The following AOPEP variants were observed in gnomAD, a reference collection of about 807,000 sequenced individuals.
AOPEP encodes aminopeptidase O (putative).
In AOPEP, 77 loss-of-function variants were observed where a neutral mutation model predicts 98.1. That is an observed-to-expected ratio of 0.78 (90% confidence interval 0.65 to 0.95). AOPEP has a LOEUF of 0.95. Ranked by LOEUF, AOPEP falls within the 40% of genes least tolerant of loss-of-function variation. The probability of loss-of-function intolerance (pLI) is 0.00; values close to 1 mark genes in which losing one functional copy is unlikely to be tolerated. For missense variants in AOPEP, 1,024 were observed against 1,024.7 expected, an observed-to-expected ratio of 1.00 and a Z score of 0.01; for synonymous variants, 346 against 365.3, an observed-to-expected ratio of 0.95 and a Z score of 0.60.
intron 7 of AOPEP, chr9:94,932,133 A>G: frequency 9.9e-7 from 1 of 1,009,996 alleles, no homozygotes; most frequent in Non-Finnish European, 1.2e-6. Context: ...TAGTTGCATT[A>G]AAACAAATAA....
At chr9:94,851,258 G>A (rs2043512828) in intron 5 of AOPEP, among the ~76,000 whole-genome samples, 1 of 152,178 alleles carries the variant, frequency 6.6e-6, no homozygotes, top group Non-Finnish European at 1.5e-5. Context: ...GGTATGCTGA[G>A]ATCTAGCTGC....
chr9:94,859,218 T>TA (rs1449447223), intron 5 of AOPEP, among the ~76,000 whole-genome samples: 1 of 152,170 alleles, frequency 6.6e-6, no homozygotes, highest in Admixed American at 6.5e-5. Context: ...GGGTCTTCAA[T>TA]AAGAACCTGA....
chr9:95,122,839 A>G, the AOPEP span, among the ~76,000 whole-genome samples: 1 of 152,200 alleles, frequency 6.6e-6, no homozygotes, highest in African/African-American at 2.4e-5. Flanking sequence ...AGAATGCACA[A>G]GGGAGGCTCA....
chr9:95,149,817 A>G, the AOPEP span: 1 of 1,291,444 alleles, frequency 7.7e-7, no homozygotes, highest in African/African-American at 1.5e-5. Context: ...AAGGGTACTG[A>G]GACAAAAACG....
At chr9:95,114,372 C>A in the AOPEP span, 6 of 517,738 alleles carry the variant, frequency 1.2e-5, no homozygotes, top group Non-Finnish European at 2.1e-5. Flanking sequence ...AATCTAAAAC[C>A]AGACGTTAAT....
chr9:94,731,714 A>G (rs969396641), intron 1 of AOPEP, among the ~76,000 whole-genome samples: 2 of 151,376 alleles, frequency 1.3e-5, no homozygotes, highest in Admixed American at 6.6e-5. Flanking sequence ...AGAAATGTCA[A>G]CATATCTTTA....
intron 4 of AOPEP, among the ~76,000 whole-genome samples, chr9:94,797,863 C>T (rs1167156846): frequency 6.6e-6 from 1 of 151,946 alleles, no homozygotes; most frequent in Non-Finnish European, 1.5e-5. Context: ...CCACCACACT[C>T]GGCTAATTTT....
chr9:95,051,094 T>G lies in AOPEP; in HGVS notation c.2116-9600T>G, dbSNP rs571130702. ...TAAAATGTTTTTGTGGCTTACTTTT[T>G]TTTTTTTTTTTTTGAGACGGAGTCT... On this transcript the variant is annotated intron_variant, in intron 13 of 16. Coordinates refer to ENST00000375315, the MANE Select transcript of AOPEP (RefSeq NM_001193329.3). Among the ~76,000 whole-genome samples the G allele has an allele frequency of 6.5e-3, 967 of 149,062 alleles. 7 individuals are homozygous for G. The highest frequency in any genetic ancestry group is 0.022 in the African/African-American group (915 of 40,812).
rs560296793 is a variant in AOPEP at position 94,734,499 on chromosome 9, AACAGCAAGAGTCCTACAC to A, written c.-136+7750_-136+7767del. 7.2e-4 allele frequency among the ~76,000 whole-genome samples: 110 copies of A among 152,318 alleles called. 1 individual carries two copies. Among genetic ancestry groups the A allele is most frequent in the South Asian group, 3.5e-3 (17 of 4,822 alleles). On this transcript the variant is annotated intron_variant, in intron 1 of 16. Transcript: ENST00000375315. The stretch of plus-strand genomic sequence containing the variant: ...TAATGAGAATTTCCTCAATATACTT[AACAGCAAGAGTCCTACAC>A]AGGAAGCCCTGCAGTAAGTGGCCAG...
Position 94,976,974 on chromosome 9 carries a change from C to T in AOPEP, c.1917-2393C>T, listed in dbSNP as rs140617120. On this transcript the variant is annotated intron_variant, in intron 10 of 16. Transcript: ENST00000375315. ...GAGCCACTGTGCCTGGCCCAGAAGT[C>T]AGCCTCTTGCTCTGGCTTTCCTGAG... 9.1e-4 allele frequency among the ~76,000 whole-genome samples: 139 copies of T among 152,278 alleles called. 1 individual carries two copies. The East Asian group carries it at 0.01, about 11-fold the overall frequency.
Position 94,734,264 on chromosome 9 carries a change from C to G in AOPEP, c.-136+7513C>G, listed in dbSNP as rs182219311. Reference sequence around the variant, plus strand: ...GAAGTGTAGTTGCCTAAGACAGGAACAGAGGGACCTCTTGCCCTTCCTACA... The same window carrying G: ...GAAGTGTAGTTGCCTAAGACAGGAAGAGAGGGACCTCTTGCCCTTCCTACA... On this transcript the variant is annotated intron_variant, in intron 1 of 16. Transcript: ENST00000375315. Among the ~76,000 whole-genome samples, 237 of 152,266 alleles carry G rather than the reference C, an allele frequency of 1.6e-3. 1 individual carries two copies. The highest frequency in any genetic ancestry group is 5.2e-3 in the African/African-American group (217 of 41,554).
At chr9:95,034,183 A>G (rs912319244) in intron 13 of AOPEP, among the ~76,000 whole-genome samples, 5 of 152,174 alleles carry the variant, frequency 3.3e-5, no homozygotes, top group Non-Finnish European at 7.3e-5. Context: ...TTTGAGACAT[A>G]GTGATATTAT....
chr9:94,776,597 C>T (rs977641479), intron 3 of AOPEP, among the ~76,000 whole-genome samples: 7 of 152,176 alleles, frequency 4.6e-5, no homozygotes, highest in Admixed American at 2.0e-4. Flanking sequence ...CCACTGCGCC[C>T]GACCTTTCCT....
chr9:95,022,524 A>G (rs2063533324), intron 13 of AOPEP, among the ~76,000 whole-genome samples: 2 of 152,048 alleles, frequency 1.3e-5, no homozygotes, highest in South Asian at 4.2e-4. Context: ...TATTTTTAGT[A>G]GAGATGGGGT....
At chr9:94,807,802 A>G (rs1849558246) in intron 5 of AOPEP, among the ~76,000 whole-genome samples, 1 of 152,196 alleles carries the variant, frequency 6.6e-6, no homozygotes, top group South Asian at 2.1e-4. Flanking sequence ...TCATGGAGCT[A>G]TGTAAGTATT....
At chr9:95,030,550 G>A (rs2064206889) in intron 13 of AOPEP, among the ~76,000 whole-genome samples, 1 of 152,220 alleles carries the variant, frequency 6.6e-6, no homozygotes, top group Admixed American at 6.5e-5. Flanking sequence ...AGCAGCGTCT[G>A]AGCCTCATGA....
chr9:94,997,323 T>C (rs1386520641), intron 11 of AOPEP, among the ~76,000 whole-genome samples: 4 of 152,170 alleles, frequency 2.6e-5, no homozygotes, highest in Non-Finnish European at 5.9e-5. Context: ...CTGCCCAACA[T>C]TGTGTCTGCC....
At chr9:95,142,821 A>G in the AOPEP span, among the ~76,000 whole-genome samples, 4 of 152,106 alleles carry the variant, frequency 2.6e-5, no homozygotes, top group East Asian at 7.7e-4. Flanking sequence ...CACTACTTAG[A>G]AGCTGTTTTT....
At chr9:94,836,445 C>G (rs2134634773) in intron 5 of AOPEP, among the ~76,000 whole-genome samples, 1 of 152,182 alleles carries the variant, frequency 6.6e-6, no homozygotes, top group African/African-American at 2.4e-5. Flanking sequence ...TGTAGTTTCT[C>G]ATTGTGTTTC....
Sources: allele counts gnomAD v4.1 joint callset (sites outside exome capture counted in the v4.1 genomes callset), GRCh38; gene constraint gnomAD v4.1.1; transcripts MANE v1.5; gene names NCBI Gene and HGNC (gene_info 2026-07-23, HGNC 2026-07-21).